Variants in CCDC178 observed in about 807,000 individuals in gnomAD.
CCDC178 encodes coiled-coil domain containing 178, also known as coiled-coil domain-containing protein 178.
A neutral mutation model predicts 117.4 loss-of-function variants in CCDC178; 126 were observed. The observed-to-expected ratio is 1.07, with a 90% CI of 0.93 to 1.24. The LOEUF (loss-of-function observed/expected upper bound fraction) is 1.24, where lower values mean the gene tolerates loss of function less well. Among genes scored for constraint, CCDC178 ranks in the 50% most tolerant of loss-of-function variants. The probability of loss-of-function intolerance (pLI) is 0.00; values close to 1 mark genes in which losing one functional copy is unlikely to be tolerated. For synonymous variants in CCDC178, 283 were observed against 313.4 expected (o/e 0.90, Z 1.02); for missense variants, 1,030 against 986.9 (o/e 1.04, Z -0.59).
At chr18:33,309,277 T>C (rs1334181622) in intron 11 of CCDC178, among the ~76,000 whole-genome samples, 1 of 151,996 alleles carries the variant, frequency 6.6e-6, no homozygotes, top group African/African-American at 2.4e-5. Context: ...ATTTAACCCA[T>C]GTGTTTAAGG....
chr18:33,313,267 C>A (rs994502026), intron 11 of CCDC178, among the ~76,000 whole-genome samples: 4 of 152,248 alleles, frequency 2.6e-5, no homozygotes, highest in African/African-American at 9.6e-5. Context: ...TTATTAGAGG[C>A]TGTAAGAAAA....
At chr18:32,954,856 C>G (rs2054560390) in intron 22 of CCDC178, among the ~76,000 whole-genome samples, 1 of 151,916 alleles carries the variant, frequency 6.6e-6, no homozygotes, top group Non-Finnish European at 1.5e-5. Flanking sequence ...GTTGAATTTC[C>G]AAGCCAGGAT....
chr18:33,084,086 T>C (rs1252450520), intron 21 of CCDC178, among the ~76,000 whole-genome samples: 1 of 152,234 alleles, frequency 6.6e-6, no homozygotes, highest in African/African-American at 2.4e-5. Flanking sequence ...GGACTTTTTT[T>C]TTCTAGCCAG....
intron 11 of CCDC178, among the ~76,000 whole-genome samples, chr18:33,304,385 T>C (rs1389561071): frequency 6.6e-6 from 1 of 152,176 alleles, no homozygotes; most frequent in African/African-American, 2.4e-5. Flanking sequence ...CCATAGAGCA[T>C]CTCAATACAT....
intron 21 of CCDC178, among the ~76,000 whole-genome samples, chr18:33,091,324 C>CTTTTTTTTTTTTTTT (rs746505005): frequency 0.011 from 474 of 43,896 alleles, 200 homozygotes; most frequent in East Asian, 0.017. Context: ...TTATTTCATT[C>CTTTTTTTTTTTTTTT]TTTTTTTTTT....
chr18:33,333,164 G>T lies in CCDC178; in HGVS notation c.879+10C>A. ...TAATTTATGAAATGCTCATGCATTC[G>T]TTTATTTACCTCCATTTTTTTTTTA... is the stretch of plus-strand genomic sequence containing the variant. On this transcript the variant is annotated intron_variant, in intron 10 of 22. Transcript: ENST00000383096. The T allele has an allele frequency of 1.3e-6, 2 of 1,515,562 alleles. No homozygotes were observed. The highest frequency in any genetic ancestry group is 1.2e-5 in the South Asian group (1 of 83,076). 93.9% of individuals were successfully genotyped at this position (1,515,562 alleles called of 1,614,324 possible).
chr18:33,069,203 A>G (rs537867849), intron 21 of CCDC178, among the ~76,000 whole-genome samples: 1 of 152,144 alleles, frequency 6.6e-6, no homozygotes, highest in African/African-American at 2.4e-5. Flanking sequence ...GTATGAAACA[A>G]AAAAGGCTGA....
At chr18:33,416,666 C>T (rs1244752539) in intron 2 of CCDC178, among the ~76,000 whole-genome samples, 4 of 152,138 alleles carry the variant, frequency 2.6e-5, no homozygotes, top group African/African-American at 9.7e-5. Flanking sequence ...GGAGCCTGGA[C>T]TTCCACCCAC....
At chr18:32,989,311 C>G (rs887764825) in intron 21 of CCDC178, among the ~76,000 whole-genome samples, 1 of 152,138 alleles carries the variant, frequency 6.6e-6, no homozygotes, top group Non-Finnish European at 1.5e-5. Flanking sequence ...TAAAAGAAAT[C>G]TAAACATACA....
intron 14 of CCDC178, among the ~76,000 whole-genome samples, chr18:33,248,816 G>A (rs2059581336): frequency 6.6e-6 from 1 of 152,060 alleles, no homozygotes; most frequent in South Asian, 2.1e-4. Context: ...GGTATTTCTA[G>A]TTCTAGATGC....
At chr18:33,209,380 C>T (rs2059081615) in intron 20 of CCDC178, among the ~76,000 whole-genome samples, 1 of 151,934 alleles carries the variant, frequency 6.6e-6, no homozygotes, top group African/African-American at 2.4e-5. Context: ...CTCATATTCT[C>T]CATTAACTCT....
chr18:33,075,164 T>C (rs981872392), intron 21 of CCDC178, among the ~76,000 whole-genome samples: 1 of 152,224 alleles, frequency 6.6e-6, no homozygotes, highest in Non-Finnish European at 1.5e-5. Context: ...GTTCTCATCT[T>C]CTATGAATGC....
intron 12 of CCDC178, among the ~76,000 whole-genome samples, chr18:33,284,077 A>T (rs1358217845): frequency 6.6e-6 from 1 of 152,240 alleles, no homozygotes; most frequent in Non-Finnish European, 1.5e-5. Context: ...ATGTAGCCAT[A>T]AAAAGAACAA....
intron 21 of CCDC178, among the ~76,000 whole-genome samples, chr18:32,983,511 A>G (rs1241226667): frequency 1.3e-5 from 2 of 152,226 alleles, no homozygotes; most frequent in South Asian, 2.1e-4. Context: ...TATCCTGTAG[A>G]TTTGCATTTG....
At chr18:33,127,321 TA>T (rs1227262240) in intron 20 of CCDC178, among the ~76,000 whole-genome samples, 10 of 152,296 alleles carry the variant, frequency 6.6e-5, no homozygotes, top group Non-Finnish European at 1.3e-4. Context: ...GATTCTGGTA[TA>T]ATGAAAAGAA....
chr18:33,040,289 G>A lies in CCDC178; in HGVS notation c.2388+52472C>T, dbSNP rs1022935847. ...CATATGCATATATATAAAACTAAGG[G>A]TATACAGGACAAAAGTGAGGAGAGT... is the stretch of plus-strand genomic sequence containing the variant. On this transcript the variant is annotated intron_variant, in intron 21 of 22. Coordinates refer to ENST00000383096, the MANE Select transcript of CCDC178 (RefSeq NM_001105528.4). 3.3e-5 allele frequency among the ~76,000 whole-genome samples: 5 copies of A among 151,776 alleles called. No individual in the cohort carries two copies. The South Asian group carries it at 1.0e-3, about 31-fold the overall frequency.
intron 20 of CCDC178, among the ~76,000 whole-genome samples, chr18:33,193,914 T>C (rs1052448178): frequency 1.2e-4 from 18 of 152,176 alleles, no homozygotes; most frequent in African/African-American, 4.3e-4. Flanking sequence ...TCCTCCCAAG[T>C]ATCTGGGATA....
At chr18:33,015,257 A>T (rs1227155053) in intron 21 of CCDC178, among the ~76,000 whole-genome samples, 1 of 149,534 alleles carries the variant, frequency 6.7e-6, no homozygotes, top group Non-Finnish European at 1.5e-5. Flanking sequence ...TTCTGTTTCA[A>T]AAGAAGAAAA....
At chr18:33,367,670 A>G (rs900464664) in intron 6 of CCDC178, among the ~76,000 whole-genome samples, 1 of 151,956 alleles carries the variant, frequency 6.6e-6, no homozygotes, top group Non-Finnish European at 1.5e-5. Flanking sequence ...TATTAGTTCA[A>G]ATACTGCATA....
Sources: gnomAD v4.1 joint callset for allele counts (sites outside exome capture counted in the v4.1 genomes callset) on GRCh38, gnomAD v4.1.1 for gene constraint, MANE v1.5 for transcripts, NCBI Gene and HGNC (gene_info 2026-07-23, HGNC 2026-07-21) for gene names.